The following ROCK1 variants were observed in gnomAD, a reference collection of about 807,000 sequenced individuals.
ROCK1 encodes the protein Rho associated coiled-coil containing protein kinase 1.
In ROCK1, 36 loss-of-function variants were observed where a neutral mutation model predicts 196.8. The observed-to-expected ratio is 0.18, with a 90% CI of 0.14 to 0.24. The LOEUF (loss-of-function observed/expected upper bound fraction) is 0.24. Among genes scored for constraint, ROCK1 ranks in the 10% least tolerant of loss-of-function variants. The probability of loss-of-function intolerance (pLI) is 1.00; values close to 1 mark genes in which losing one functional copy is unlikely to be tolerated. For missense variants in ROCK1, 920 were observed against 1,562.0 expected, an observed-to-expected ratio of 0.59 and a Z score of 6.93; for synonymous variants, 443 against 515.9, an observed-to-expected ratio of 0.86 and a Z score of 1.91.
At position 20,970,401 on chromosome 18, in the gene ROCK1, C is replaced by G; in HGVS notation, c.2767G>C (p.Ala923Pro). 6.2e-7 allele frequency: 1 copy of G among 1,613,852 alleles called. No individual in the cohort carries two copies. The highest frequency in any genetic ancestry group is 1.1e-5 in the South Asian group (1 of 91,064). Residue 923 changes from alanine to proline, a missense_variant, in exon 23 of 33, where the codon GCT (alanine) becomes CCT (proline). Physicochemically the swap from Ala to Pro is conservative, Grantham distance 27 (BLOSUM62 -1). Transcript: ENST00000399799. ...YFELTQESKK[A>P]ASRNRQEITD... ...ATCTCTTGTCTATTTCTTGAAGCAG[C>G]TTTCTTGCTTTCTTGCGTCAATTCA...
chr18:21,094,728 A>C (rs1407768888), intron 1 of ROCK1, among the ~76,000 whole-genome samples: 6 of 141,538 alleles, frequency 4.2e-5, no homozygotes, highest in Admixed American at 2.2e-4. Context: ...CAGCCTGGGC[A>C]ACAAAATGAG....
chr18:20,984,915 C>T (rs1392021366), intron 19 of ROCK1, among the ~76,000 whole-genome samples: 12 of 152,016 alleles, frequency 7.9e-5, no homozygotes, highest in South Asian at 4.1e-4. Flanking sequence ...GAGTTTGAGA[C>T]CAGCCTGGTC....
chr18:21,086,251 A>G (rs2036526283), intron 1 of ROCK1, among the ~76,000 whole-genome samples: 1 of 151,486 alleles, frequency 6.6e-6, no homozygotes, highest in African/African-American at 2.4e-5. Flanking sequence ...AGCTGGGATT[A>G]CAGGCATGCA....
chr18:20,961,530 G>A (rs2035326549), intron 27 of ROCK1, among the ~76,000 whole-genome samples: 1 of 152,122 alleles, frequency 6.6e-6, no homozygotes, highest in South Asian at 2.1e-4. Flanking sequence ...AAACGGACTT[G>A]GGCAAGGCAA....
At chr18:20,996,633 A>G (rs2035673289) in intron 16 of ROCK1, among the ~76,000 whole-genome samples, 2 of 152,182 alleles carry the variant, frequency 1.3e-5, no homozygotes, top group Non-Finnish European at 2.9e-5. Context: ...AATGGTAAGT[A>G]CACTGAAAAA....
chr18:21,032,817 C>T (rs139680891), intron 9 of ROCK1, among the ~76,000 whole-genome samples: 21 of 151,870 alleles, frequency 1.4e-4, no homozygotes, highest in Non-Finnish European at 2.4e-4. Flanking sequence ...CCACCACACC[C>T]GGCCTACAGT....
intron 1 of ROCK1, among the ~76,000 whole-genome samples, chr18:21,104,559 G>T (rs1451670709): frequency 6.6e-6 from 1 of 152,106 alleles, no homozygotes; most frequent in Admixed American, 6.5e-5. Context: ...ATAGCGCCAC[G>T]GCACTTCGGA....
chr18:21,033,462 T>C (rs972921300), intron 9 of ROCK1, among the ~76,000 whole-genome samples: 6 of 152,080 alleles, frequency 3.9e-5, no homozygotes, highest in African/African-American at 1.4e-4. Context: ...TTCAACACTT[T>C]ACTGGAAGCT....
At chr18:21,052,363 G>A (rs2036210682) in intron 2 of ROCK1, among the ~76,000 whole-genome samples, 1 of 152,176 alleles carries the variant, frequency 6.6e-6, no homozygotes, top group African/African-American at 2.4e-5. Context: ...TCAGGACTAT[G>A]TATTCACACC....
intron 2 of ROCK1, among the ~76,000 whole-genome samples, chr18:21,053,707 T>C (rs2036223491): frequency 6.6e-6 from 1 of 152,112 alleles, no homozygotes; most frequent in African/African-American, 2.4e-5. Flanking sequence ...CATGGTGGCA[T>C]GCACTTGTAG....
At position 20,992,953 on chromosome 18, in the gene ROCK1, A is replaced by G; in HGVS notation, c.1886-16T>C. On this transcript the variant is annotated splice_polypyrimidine_tract_variant and intron_variant, in intron 16 of 32. Transcript: ENST00000399799. ...GTAATTCGAGCTATCAAGTGAGAAA[A>G]AAGTTCAAGTCTGTAGTCATTGAAA... The G allele has an allele frequency of 6.6e-7, 1 of 1,514,976 alleles. No homozygotes were observed. The highest frequency in any genetic ancestry group is 9.2e-7 in the Non-Finnish European group (1 of 1,091,668). 93.8% of individuals were successfully genotyped at this position (1,514,976 alleles called of 1,614,324 possible).
chr18:21,091,651 A>T (rs528106189), intron 1 of ROCK1, among the ~76,000 whole-genome samples: 56 of 152,018 alleles, frequency 3.7e-4, no homozygotes, highest in African/African-American at 1.3e-3. Context: ...TGCTAGTTGA[A>T]TCTTTACATT....
intron 1 of ROCK1, among the ~76,000 whole-genome samples, chr18:21,088,525 AAG>A (rs2036545172): frequency 2.6e-5 from 4 of 152,150 alleles, no homozygotes; most frequent in Admixed American, 2.6e-4. Context: ...AGAAAAGAAA[AAG>A]AATAATAATT....
chr18:21,037,159 T>A (rs1379585619), intron 9 of ROCK1, among the ~76,000 whole-genome samples: 3 of 152,184 alleles, frequency 2.0e-5, no homozygotes, highest in African/African-American at 4.8e-5. Context: ...ATCTTACTCA[T>A]GTTACTCCTT....
intron 2 of ROCK1, among the ~76,000 whole-genome samples, chr18:21,060,837 CT>C (rs2036282860): frequency 1.0e-5 from 1 of 95,484 alleles, no homozygotes; most frequent in Non-Finnish European, 1.8e-5. Flanking sequence ...GAAACTCCAT[CT>C]CAAAAAAAAA....
At chr18:21,048,129 C>T (rs1297906789) in intron 4 of ROCK1, among the ~76,000 whole-genome samples, 2 of 152,166 alleles carry the variant, frequency 1.3e-5, no homozygotes, top group African/African-American at 4.8e-5. Context: ...CAATCAAAGA[C>T]AACTTTCAGA....
At chr18:20,968,738 A>G in intron 25 of ROCK1, 34 bp downstream of exon 25, 1 of 1,273,816 alleles carries the variant, frequency 7.9e-7, no homozygotes, top group Non-Finnish European at 1.1e-6. Flanking sequence ...TAACTCAAAA[A>G]TGAACATGTG....
chr18:21,015,208 A>G (rs1312139449), intron 13 of ROCK1, among the ~76,000 whole-genome samples: 3 of 152,138 alleles, frequency 2.0e-5, no homozygotes, highest in African/African-American at 7.2e-5. Flanking sequence ...TTTACGTACT[A>G]AAATTAATAC....
chr18:21,003,656 C>T (rs1367311674), intron 16 of ROCK1, among the ~76,000 whole-genome samples: 1 of 152,044 alleles, frequency 6.6e-6, no homozygotes, highest in Non-Finnish European at 1.5e-5. Context: ...AAATGAAACA[C>T]GACTGGCTAC....
Sources: allele counts gnomAD v4.1 joint callset (sites outside exome capture counted in the v4.1 genomes callset), GRCh38; gene constraint gnomAD v4.1.1; transcripts MANE v1.5; gene names NCBI Gene and HGNC (gene_info 2026-07-23, HGNC 2026-07-21).